FAT3: variants seen among roughly 807,000 people sequenced by gnomAD.
FAT3 encodes the protein FAT atypical cadherin 3.
A neutral mutation model predicts 310.2 loss-of-function variants in FAT3; 95 were observed. The observed-to-expected ratio is 0.31, with a 90% CI of 0.26 to 0.36. The LOEUF (loss-of-function observed/expected upper bound fraction) is 0.36, where lower values mean the gene tolerates loss of function less well. Among genes scored for constraint, FAT3 ranks in the 10% least tolerant of loss-of-function variants. The pLI, the probability that FAT3 is intolerant of heterozygous loss-of-function variation, is 1.00. For synonymous variants in FAT3, 2,314 were observed against 2,192.9 expected, an observed-to-expected ratio of 1.06 and a Z score of -1.54; for missense variants, 5,408 against 5,715.6, an observed-to-expected ratio of 0.95 and a Z score of 1.74.
At chr11:92,397,733 G>T (rs145850392) in intron 2 of FAT3, among the ~76,000 whole-genome samples, 1 of 149,664 alleles carries the variant, frequency 6.7e-6, no homozygotes, top group African/African-American at 2.5e-5. Context: ...TTGCGAACAC[G>T]CCACCTCTTC....
chr11:92,282,287 C>A (rs1946446704), intron 1 of FAT3, among the ~76,000 whole-genome samples: 1 of 152,250 alleles, frequency 6.6e-6, no homozygotes, highest in South Asian at 2.1e-4. Flanking sequence ...TTGTCACCTG[C>A]CTTGTATTAG....
chr11:92,272,955 G>A (rs1235276292), intron 1 of FAT3, among the ~76,000 whole-genome samples: 1 of 152,122 alleles, frequency 6.6e-6, no homozygotes, highest in Non-Finnish European at 1.5e-5. Flanking sequence ...ACTGGGAGAA[G>A]CTTACTCCAA....
At chr11:92,242,058 G>A (rs1193865974) in intron 1 of FAT3, among the ~76,000 whole-genome samples, 1 of 151,884 alleles carries the variant, frequency 6.6e-6, no homozygotes. Flanking sequence ...ATCTTACACC[G>A]TGATCTCCTA....
intron 3 of FAT3, among the ~76,000 whole-genome samples, chr11:92,575,826 G>T (rs1938453635): frequency 6.6e-6 from 1 of 152,096 alleles, no homozygotes; most frequent in South Asian, 2.1e-4. Flanking sequence ...AAGGAGGAAG[G>T]CTTTTCTTCA....
At chr11:92,794,026 A>G (rs1947102762) in intron 9 of FAT3, among the ~76,000 whole-genome samples, 1 of 152,158 alleles carries the variant, frequency 6.6e-6, no homozygotes, top group Non-Finnish European at 1.5e-5. Context: ...GCTAAGCTCT[A>G]CTTAAAAAAA....
intron 19 of FAT3, among the ~76,000 whole-genome samples, chr11:92,848,965 A>C: frequency 6.6e-6 from 1 of 152,266 alleles, no homozygotes; most frequent in African/African-American, 2.4e-5. Flanking sequence ...TGTGCAATTC[A>C]GTGCACGGAT....
At chr11:92,832,149 AG>A in intron 14 of FAT3, 138 bp downstream of exon 14, 1 of 980,416 alleles carries the variant, frequency 1.0e-6, no homozygotes, top group Non-Finnish European at 1.5e-6. Flanking sequence ...TGGACAACAG[AG>A]TGAGACCCTG....
intron 7 of FAT3, among the ~76,000 whole-genome samples, chr11:92,789,556 C>T (rs2136154170): frequency 6.6e-6 from 1 of 152,122 alleles, no homozygotes; most frequent in South Asian, 2.1e-4. Context: ...TCTGTCACTG[C>T]CTCCACAGAG....
At chr11:92,842,396 A>G (rs956283102) in intron 18 of FAT3, among the ~76,000 whole-genome samples, 2 of 152,210 alleles carry the variant, frequency 1.3e-5, no homozygotes, top group Non-Finnish European at 2.9e-5. Context: ...GGCCTCTGAC[A>G]TGTGAACGGG....
At position 92,587,046 on chromosome 11, in the gene FAT3, T is replaced by C. The variant is rs370134937; in HGVS notation, c.3607+62098T>C. Among the ~76,000 whole-genome samples the C allele has an allele frequency of 4.6e-5, 7 of 152,140 alleles. No homozygotes were observed. The East Asian group carries it at 1.4e-3, about 29-fold the overall frequency. The stretch of plus-strand genomic sequence containing the variant: ...TGTATGTTTACATATATAGTAGCTA[T>C]AGGAATCTTCTTATAGCTGAATTTT... On this transcript the variant is annotated intron_variant, in intron 3 of 27. Transcript: ENST00000525166.
chr11:92,753,101 C>G (rs1945872024), intron 4 of FAT3, among the ~76,000 whole-genome samples: 1 of 152,140 alleles, frequency 6.6e-6, no homozygotes. Flanking sequence ...TCCCCACCTC[C>G]TAAATCTGGA....
intron 5 of FAT3, among the ~76,000 whole-genome samples, chr11:92,763,019 C>T (rs1001040439): frequency 5.3e-5 from 8 of 152,040 alleles, no homozygotes; most frequent in African/African-American, 1.7e-4. Context: ...ATTAGCTGGG[C>T]ATGGTGGTGT....
chr11:92,619,052 G>A (rs774374070), intron 3 of FAT3, among the ~76,000 whole-genome samples: 2 of 152,186 alleles, frequency 1.3e-5, no homozygotes, highest in East Asian at 1.9e-4. Context: ...ATCCTGAAAG[G>A]GTTGTTAGAT....
chr11:92,332,934 A>G (rs751715874), intron 1 of FAT3, among the ~76,000 whole-genome samples: 15 of 152,102 alleles, frequency 9.9e-5, no homozygotes, highest in Non-Finnish European at 2.1e-4. Context: ...AAGTTCCTTG[A>G]AGTTGATCTC....
intron 2 of FAT3, among the ~76,000 whole-genome samples, chr11:92,517,815 T>C (rs1247278921): frequency 1.3e-5 from 2 of 152,130 alleles, no homozygotes; most frequent in African/African-American, 4.8e-5. Flanking sequence ...GTGAAGGATA[T>C]GAACAGACAC....
chr11:92,607,971 G>T (rs1940381710), intron 3 of FAT3, among the ~76,000 whole-genome samples: 1 of 151,810 alleles, frequency 6.6e-6, no homozygotes. Context: ...TTGTGATCAA[G>T]TAAATAGAGT....
chr11:92,439,383 G>A (rs1951018703), intron 2 of FAT3, among the ~76,000 whole-genome samples: 2 of 152,096 alleles, frequency 1.3e-5, no homozygotes, highest in African/African-American at 4.8e-5. Context: ...TATAAGATAA[G>A]AAGAAAAATT....
rs1278397529 is a variant in FAT3, at chr11:92,882,773, A to G, written c.12317A>G (p.Glu4106Gly). The change falls in exon 24 of 28, where the codon GAG (glutamate) becomes GGG (glycine). Residue 4106 changes from glutamate (E) to glycine (G), a missense_variant. By Grantham distance (98) the Glu-to-Gly change is moderately conservative. Transcript: ENST00000525166. ...EEDINECERE[E>G]CENGGSCVNV... ...GACATCAATGAGTGCGAACGAGAGG[A>G]GTGTGAGAACGGAGGCTCCTGCGTG... The G allele has an allele frequency of 1.2e-6, 2 of 1,611,078 alleles. No individual in the cohort carries two copies. Among genetic ancestry groups the G allele is most frequent in the East Asian group, 2.2e-5 (1 of 44,798 alleles).
intron 2 of FAT3, among the ~76,000 whole-genome samples, chr11:92,409,659 T>A (rs1950209397): frequency 6.6e-6 from 1 of 152,214 alleles, no homozygotes; most frequent in South Asian, 2.1e-4. Context: ...GTATTTGGTA[T>A]TCAAAAGAAA....
Sources: allele counts gnomAD v4.1 joint callset (sites outside exome capture counted in the v4.1 genomes callset), GRCh38; gene constraint gnomAD v4.1.1; transcripts MANE v1.5; gene names NCBI Gene and HGNC (gene_info 2026-07-23, HGNC 2026-07-21).